The following HLCS variants were observed in gnomAD, a reference collection of about 807,000 sequenced individuals.
HLCS encodes the protein holocarboxylase synthetase, also known as biotin--protein ligase.
Under a neutral mutation model 75.0 loss-of-function variants are expected in HLCS, and 53 were observed. The observed-to-expected ratio is 0.71, with a 90% CI of 0.57 to 0.89. The LOEUF is 0.89. HLCS is among the 40% of genes least tolerant of loss of function. The probability of loss-of-function intolerance (pLI) is 0.00; values close to 1 mark genes in which losing one functional copy is unlikely to be tolerated. For missense variants in HLCS, 966 were observed against 1,074.0 expected, an observed-to-expected ratio of 0.90 and a Z score of 1.41; for synonymous variants, 431 against 428.6, an observed-to-expected ratio of 1.01 and a Z score of -0.07.
intron 5 of HLCS, among the ~76,000 whole-genome samples, chr21:36,901,619 A>G (rs1465897215): frequency 6.6e-6 from 1 of 152,198 alleles, no homozygotes; most frequent in Non-Finnish European, 1.5e-5. Flanking sequence ...CTGGCACTCC[A>G]TGGTGCCCCT....
chr21:36,896,566 C>T (rs1165531725), intron 6 of HLCS: 1 of 446,190 alleles, frequency 2.2e-6, no homozygotes, highest in Non-Finnish European at 4.1e-6. Context: ...ACCGGTTAAA[C>T]ATCTTTTTTC....
At chr21:36,772,799 A>T (rs1195425734) in intron 6 of HLCS, among the ~76,000 whole-genome samples, 1 of 152,164 alleles carries the variant, frequency 6.6e-6, no homozygotes, top group Non-Finnish European at 1.5e-5. Context: ...CCTGGCCAAC[A>T]GAGTGAAACC....
At chr21:36,858,922 G>T (rs956146372) in intron 6 of HLCS, among the ~76,000 whole-genome samples, 11 of 152,192 alleles carry the variant, frequency 7.2e-5, no homozygotes, top group Admixed American at 6.5e-4. Context: ...TCTACAACAG[G>T]CTGGGAACCA....
chr21:36,885,082 CTA>C (rs1245412222), intron 6 of HLCS, among the ~76,000 whole-genome samples: 5 of 152,184 alleles, frequency 3.3e-5, no homozygotes, highest in Admixed American at 2.0e-4. Context: ...GGACAACTGA[CTA>C]TGTTTTCTCA....
chr21:36,907,745 T>C (rs1324252845), intron 5 of HLCS, among the ~76,000 whole-genome samples: 2 of 152,042 alleles, frequency 1.3e-5, no homozygotes, highest in South Asian at 2.1e-4. Context: ...AATACTTATA[T>C]CAGACAAAGG....
At chr21:36,968,009 C>T (rs745674381), upstream of HLCS, among the ~76,000 whole-genome samples, 30 of 151,254 alleles carry the variant, frequency 2.0e-4, no homozygotes, top group African/African-American at 6.3e-4. Flanking sequence ...CGTGAACCAC[C>T]GCGCCCAGCT....
At chr21:36,906,250 G>A (rs780696229) in intron 5 of HLCS, among the ~76,000 whole-genome samples, 8 of 152,134 alleles carry the variant, frequency 5.3e-5, no homozygotes, top group Non-Finnish European at 1.0e-4. Flanking sequence ...AAAGATGTCT[G>A]AGCATCATAA....
chr21:36,957,632 A>G (rs1326856575), intron 2 of HLCS, among the ~76,000 whole-genome samples: 1 of 152,228 alleles, frequency 6.6e-6, no homozygotes, highest in Admixed American at 6.5e-5. Context: ...TCTTTTCTGC[A>G]TATGAAAATT....
chr21:36,773,799 C>T (rs1490157460), intron 6 of HLCS, among the ~76,000 whole-genome samples: 1 of 152,130 alleles, frequency 6.6e-6, no homozygotes, highest in Non-Finnish European at 1.5e-5. Flanking sequence ...AAGATGAATT[C>T]CCACTGTTCA....
intron 6 of HLCS, among the ~76,000 whole-genome samples, chr21:36,811,745 T>C (rs1298301095): frequency 2.0e-5 from 3 of 152,212 alleles, no homozygotes; most frequent in Non-Finnish European, 4.4e-5. Context: ...GCTCTGGTCA[T>C]AATTAGTCTC....
Position 36,916,306 on chromosome 21 carries a change from T to C in HLCS, c.1620+13945A>G, listed in dbSNP as rs146406967. ...CCTTTGTTGAGTATAAAAGATCAAC[T>C]ATCTGTCCTCATAGCATCCGGCTGT... On this transcript the variant is annotated intron_variant, in intron 5 of 10. Transcript: ENST00000674895. Among the ~76,000 whole-genome samples, 181 of 152,246 alleles carry C rather than the reference T, an allele frequency of 1.2e-3. 3 individuals are homozygous for C. The East Asian group carries it at 0.033, about 28-fold the overall frequency.
In HLCS at chr21:36,938,992, A is replaced by T; in HGVS notation, c.333T>A (p.Ile111=). 6.2e-7 allele frequency: 1 copy of T among 1,605,394 alleles called. No individual in the cohort carries two copies. The highest frequency in any genetic ancestry group is 8.5e-7 in the Non-Finnish European group (1 of 1,178,988). ...GCAAACAACAGTCTGACCACTTGAC[A>T]ATCTGAGAAAAAGCAGGAGAGGGAG... ...NLQRSSSSET[I]VKWSDCCLPL... The change falls in exon 3 of 11, where the codon ATT becomes ATA. Residue 111 remains isoleucine (I), a splice_region_variant and synonymous_variant. Transcript: ENST00000674895.
At chr21:36,863,950 C>T (rs2063468219) in intron 6 of HLCS, among the ~76,000 whole-genome samples, 1 of 152,216 alleles carries the variant, frequency 6.6e-6, no homozygotes, top group South Asian at 2.1e-4. Context: ...TTTAAGTTCA[C>T]ATAAAAGTTT....
intron 5 of HLCS, among the ~76,000 whole-genome samples, chr21:36,913,232 A>C (rs2065796069): frequency 6.6e-6 from 1 of 152,176 alleles, no homozygotes; most frequent in African/African-American, 2.4e-5. Context: ...TGGCTCCCAA[A>C]TCCTTGCTCT....
chr21:36,833,819 A>T (rs1029883731), intron 6 of HLCS, among the ~76,000 whole-genome samples: 1 of 152,162 alleles, frequency 6.6e-6, no homozygotes, highest in Non-Finnish European at 1.5e-5. Context: ...GAACAACTGC[A>T]GCTTGAAAAT....
intron 2 of HLCS, among the ~76,000 whole-genome samples, chr21:36,942,516 A>G (rs1884994373): frequency 6.6e-6 from 1 of 152,132 alleles, no homozygotes; most frequent in African/African-American, 2.4e-5. Context: ...TAAGAGCTAA[A>G]ACTACAAAAT....
chr21:36,799,529 A>G (rs1191548012), intron 6 of HLCS, among the ~76,000 whole-genome samples: 2 of 152,236 alleles, frequency 1.3e-5, no homozygotes, highest in Non-Finnish European at 2.9e-5. Context: ...AGGTGAGGGA[A>G]GAGATCAGAG....
At chr21:36,784,361 C>T (rs1000560164) in intron 6 of HLCS, among the ~76,000 whole-genome samples, 2 of 149,128 alleles carry the variant, frequency 1.3e-5, no homozygotes, top group Non-Finnish European at 3.0e-5. Flanking sequence ...CTTCACCCAG[C>T]CTGGAGTGCA....
At chr21:36,872,868 A>C (rs1217731240) in intron 6 of HLCS, among the ~76,000 whole-genome samples, 2 of 152,170 alleles carry the variant, frequency 1.3e-5, no homozygotes, top group Non-Finnish European at 2.9e-5. Flanking sequence ...CAGGGTAGGC[A>C]TATGTGTGCT....
Sources: gnomAD v4.1 joint callset for allele counts (sites outside exome capture counted in the v4.1 genomes callset) on GRCh38, gnomAD v4.1.1 for gene constraint, MANE v1.5 for transcripts, NCBI Gene and HGNC (gene_info 2026-07-23, HGNC 2026-07-21) for gene names.